The following TBC1D10A variants were observed in gnomAD, a reference collection of about 807,000 sequenced individuals.
TBC1D10A encodes the protein EBP50-PDX interactor of 64 kDa.
In TBC1D10A, 24 loss-of-function variants were observed where a neutral mutation model predicts 52.9. The ratio of observed to expected loss-of-function variants is 0.45; its 90% CI spans 0.33 to 0.64. The LOEUF is 0.64. TBC1D10A is among the 30% of genes least tolerant of loss of function. The pLI is 0.02. For synonymous variants in TBC1D10A, 278 were observed against 282.9 expected (o/e 0.98, Z 0.17); for missense variants, 602 against 687.9 (o/e 0.88, Z 1.40).
At chr22:30,315,171 T>C (rs1930509408) in intron 1 of TBC1D10A, among the ~76,000 whole-genome samples, 1 of 152,048 alleles carries the variant, frequency 6.6e-6, no homozygotes, top group South Asian at 2.1e-4. Flanking sequence ...CTGCCTAACC[T>C]CCACGGTCGT....
At chr22:30,319,127 C>T (rs920506114) in intron 1 of TBC1D10A, among the ~76,000 whole-genome samples, 1 of 152,214 alleles carries the variant, frequency 6.6e-6, no homozygotes, top group Non-Finnish European at 1.5e-5. Flanking sequence ...AGGGACTTTG[C>T]ACATGGGCCC....
At chr22:30,299,120 G>T (rs1930146829) in intron 3 of TBC1D10A, 1 of 250,452 alleles carries the variant, frequency 4.0e-6, no homozygotes, top group Middle Eastern at 1.3e-3. Context: ...ATGACCAAGA[G>T]CAGGGAGGTA....
chr22:30,319,104 G>A (rs1192838542), intron 1 of TBC1D10A, among the ~76,000 whole-genome samples: 3 of 152,102 alleles, frequency 2.0e-5, no homozygotes, highest in East Asian at 1.9e-4. Context: ...ATGCTCAAAC[G>A]ACTGCTTTTG....
chr22:30,293,457 C>T, intron 8 of TBC1D10A, 194 bp downstream of exon 8: 2 of 885,888 alleles, frequency 2.3e-6, no homozygotes, highest in Non-Finnish European at 3.6e-6. Flanking sequence ...GAAGGCCCTG[C>T]AGAGCCAAGC....
chr22:30,309,330 G>A (rs1004342888), intron 1 of TBC1D10A, among the ~76,000 whole-genome samples: 8 of 151,944 alleles, frequency 5.3e-5, no homozygotes, highest in African/African-American at 1.2e-4. Flanking sequence ...TCCACCTCCC[G>A]GGTTTAAGTG....
rs577744176 is a variant in TBC1D10A, at chr22:30,307,153, C to T, written c.210-2523G>A. Among the ~76,000 whole-genome samples the T allele has an allele frequency of 3.9e-5, 6 of 152,262 alleles. No homozygotes were observed. In the South Asian group the frequency reaches 8.3e-4, roughly 21 times the overall value. On this transcript the variant is annotated intron_variant, in intron 1 of 8. Transcript: ENST00000215790. The stretch of plus-strand genomic sequence containing the variant: ...TGAAAATAGTATGACAGTGTAGAAG[C>T]CCTGAGGAGGCTTCCTCCTGACAGT...
chr22:30,325,293 A>G (rs1352993538), intron 1 of TBC1D10A, among the ~76,000 whole-genome samples: 1 of 152,226 alleles, frequency 6.6e-6, no homozygotes, highest in Non-Finnish European at 1.5e-5. Flanking sequence ...TCCAAGGAAG[A>G]AGGAGGCCTG....
intron 1 of TBC1D10A, among the ~76,000 whole-genome samples, chr22:30,317,372 T>C (rs1453231682): frequency 6.6e-6 from 1 of 152,054 alleles, no homozygotes; most frequent in African/African-American, 2.4e-5. Context: ...AATTGTGCCA[T>C]TTCACTCCAG....
intron 1 of TBC1D10A, among the ~76,000 whole-genome samples, chr22:30,319,226 C>G (rs529996799): frequency 9.9e-5 from 15 of 152,280 alleles, no homozygotes; most frequent in Admixed American, 1.3e-4. Context: ...GTGGGGCTGG[C>G]TGCTTTTTCC....
chr22:30,299,084 G>C (rs1930146183), intron 3 of TBC1D10A: 1 of 203,388 alleles, frequency 4.9e-6, no homozygotes, highest in Admixed American at 5.9e-5. Context: ...AGGCAGTCAG[G>C]GAAATGGTCT....
chr22:30,292,512 A>G lies in TBC1D10A; in HGVS notation c.1390T>C (p.Cys464Arg). Residue 464 changes from cysteine to arginine, a missense_variant, in exon 9 of 9, where the codon TGT (cysteine) becomes CGT (arginine). By Grantham distance (180) the Cys-to-Arg change is radical. Around this residue, in one of 3 missense-constraint regions of TBC1D10A, gnomAD observed 265 missense variants for 275.1 expected, o/e 0.96. Transcript: ENST00000215790. ...AMVVAAAGDA[C>R]PPQHVPPKDS... Reference sequence around the variant, plus strand: ...TTCGGGGGCACATGCTGTGGGGGACATGCATCTCCTGCAGCGGCCACCACC... The same window carrying G: ...TTCGGGGGCACATGCTGTGGGGGACGTGCATCTCCTGCAGCGGCCACCACC... The G allele has an allele frequency of 6.2e-7, 1 of 1,611,134 alleles. No individual in the cohort carries two copies. The highest frequency in any genetic ancestry group is 8.5e-7 in the Non-Finnish European group (1 of 1,178,784).
intron 2 of TBC1D10A, among the ~76,000 whole-genome samples, chr22:30,300,866 G>T (rs779949772): frequency 1.3e-5 from 2 of 152,316 alleles, no homozygotes; most frequent in Middle Eastern, 3.4e-3. Context: ...TCTGCCACTC[G>T]TAGAATGGGA....
intron 1 of TBC1D10A, among the ~76,000 whole-genome samples, chr22:30,315,736 C>G (rs977279151): frequency 1.3e-5 from 2 of 152,196 alleles, no homozygotes; most frequent in Non-Finnish European, 2.9e-5. Flanking sequence ...CACTCACGAC[C>G]CAGCTACTCC....
intron 1 of TBC1D10A, among the ~76,000 whole-genome samples, chr22:30,312,147 C>T (rs540453526): frequency 4.6e-5 from 7 of 152,334 alleles, no homozygotes; most frequent in African/African-American, 1.7e-4. Flanking sequence ...TCCTACCAGG[C>T]AGAGTGCTGC....
chr22:30,319,904 G>A (rs1229624999), intron 1 of TBC1D10A, among the ~76,000 whole-genome samples: 4 of 152,224 alleles, frequency 2.6e-5, no homozygotes, highest in African/African-American at 9.6e-5. Flanking sequence ...GCTCTAGTCG[G>A]CAATGCATCC....
intron 3 of TBC1D10A, chr22:30,298,346 G>C (rs1447339275): frequency 6.6e-6 from 1 of 152,168 alleles, no homozygotes; most frequent in African/African-American, 2.4e-5. Flanking sequence ...TTGGTGCTCT[G>C]GGGAATAATC....
At chr22:30,305,795 C>T (rs1392005899) in intron 1 of TBC1D10A, among the ~76,000 whole-genome samples, 1 of 152,222 alleles carries the variant, frequency 6.6e-6, no homozygotes, top group Admixed American at 6.5e-5. Flanking sequence ...TGCATTTTAT[C>T]TGGGGAAGTG....
At chr22:30,294,902 C>T in intron 5 of TBC1D10A, 39 bp downstream of exon 5, 1 of 1,613,980 alleles carries the variant, frequency 6.2e-7, no homozygotes, top group African/African-American at 1.3e-5. Context: ...GTTGGGGGTT[C>T]CCCACCCACC....
chr22:30,326,905 C>T lies in TBC1D10A; in HGVS notation c.-24G>A. On this transcript the variant is annotated 5_prime_UTR_variant, in exon 1 of 9. Transcript: ENST00000215790. ...ATCCCAGCCGCGCCCGCCGCCTGAG[C>T]TCCAGCGGCCACCTCAGCCGCCCTG... 3 of 1,451,626 alleles carry T rather than the reference C, an allele frequency of 2.1e-6. No individual in the cohort carries two copies. The highest frequency in any genetic ancestry group is 2.7e-6 in the Non-Finnish European group (3 of 1,107,396). The allele number at this position is 1,451,626 out of a possible 1,614,324, so 89.9% of individuals were successfully genotyped here.
Sources: gnomAD v4.1 joint callset for allele counts (sites outside exome capture counted in the v4.1 genomes callset) on GRCh38, gnomAD v4.1.1 for gene constraint, gnomAD v4.1.1 regional missense constraint, MANE v1.5 for transcripts, NCBI Gene and HGNC (gene_info 2026-07-23, HGNC 2026-07-21) for gene names.